AFF2: variants seen among roughly 807,000 people sequenced by gnomAD.
The protein encoded by AFF2 is ALF transcription elongation factor 2, also known as AF4/FMR2 family member 2.
AFF2 carries 14 observed loss-of-function variants against 76.9 expected under a neutral mutation model. That is an observed-to-expected ratio of 0.18 (90% CI 0.12 to 0.28). The LOEUF (loss-of-function observed/expected upper bound fraction) is 0.28, where lower values mean the gene tolerates loss of function less well. AFF2 is among the 10% of genes least tolerant of loss of function. The probability of loss-of-function intolerance (pLI) is 1.00; values close to 1 mark genes in which losing one functional copy is unlikely to be tolerated. For missense variants in AFF2, 868 were observed against 1,001.1 expected (o/e 0.87, Z 1.79); for synonymous variants, 398 against 366.7 (o/e 1.09, Z -0.98).
rs144051933 is a variant in AFF2, at chrX:148,605,431, C to T, written c.48-46568C>T. Among the ~76,000 whole-genome samples the T allele has an allele frequency of 8.9e-3, 986 of 111,225 alleles. 15 individuals carry two copies. Among genetic ancestry groups the T allele is most frequent in the African/African-American group, 0.029 (902 of 30,635 alleles). Reference sequence around the variant, plus strand: ...AGATAAATAGATATAAACATGTATACATTCCCATTATTTCCTAGCTTGGTT... The same window carrying T: ...AGATAAATAGATATAAACATGTATATATTCCCATTATTTCCTAGCTTGGTT... On this transcript the variant is annotated intron_variant, in intron 1 of 20. Coordinates refer to ENST00000370460, the MANE Select transcript of AFF2 (RefSeq NM_002025.4).
chrX:148,901,644 A>G (rs1557280890), intron 8 of AFF2, among the ~76,000 whole-genome samples: 1 of 112,301 alleles, frequency 8.9e-6, no homozygotes, highest in African/African-American at 3.2e-5. Flanking sequence ...ATTTCAAAAG[A>G]GAAATTCTCT....
intron 7 of AFF2, among the ~76,000 whole-genome samples, chrX:148,851,834 C>T (rs1367142265): frequency 3.6e-5 from 4 of 109,784 alleles, no homozygotes; most frequent in African/African-American, 1.3e-4. Flanking sequence ...GTTATAAAGC[C>T]CAGTACTCAA....
Position 148,500,670 on chromosome X carries a change from CGCCGCCGCCGCCGCTGCCGCCCCG to C in AFF2, c.-425_-402del, listed in dbSNP as rs2052331558. Reference sequence around the variant, plus strand: ...CCGCCGCCGCCGCCGCCGCCGCCGCCGCCGCCGCCGCCGCTGCCGCCCCGGCTGCCGCGCCGCGCCGCTGCCTCT... The same window carrying C: ...CCGCCGCCGCCGCCGCCGCCGCCGCCGCTGCCGCGCCGCGCCGCTGCCTCT... On this transcript the variant is annotated 5_prime_UTR_variant, in exon 1 of 21. Transcript: ENST00000370460. The C allele has an allele frequency of 1.0e-5, 1 of 96,085 alleles. No homozygotes were observed. Among genetic ancestry groups the C allele is most frequent in the African/African-American group, 3.8e-5 (1 of 26,636 alleles). The allele number at this position is 96,085 out of a possible 1,213,427, so 7.9% of individuals were successfully genotyped here.
intron 1 of AFF2, among the ~76,000 whole-genome samples, chrX:148,595,066 G>T (rs183006005): frequency 8.9e-6 from 1 of 112,075 alleles, no homozygotes; most frequent in Non-Finnish European, 1.9e-5. Flanking sequence ...AGGAAGAAGG[G>T]AGGAAGGTAG....
chrX:148,906,805 G>T (rs1402719454), intron 9 of AFF2, among the ~76,000 whole-genome samples: 1 of 111,692 alleles, frequency 9.0e-6, no homozygotes, highest in Non-Finnish European at 1.9e-5. Flanking sequence ...TTGCAGACCT[G>T]CCCTTGACTT....
chrX:148,971,747 C>CTTTTTTTTTTTTTTTTTTTTTTTAT (rs781928514), intron 15 of AFF2, among the ~76,000 whole-genome samples: 2 of 44,731 alleles, frequency 4.5e-5, no homozygotes, highest in African/African-American at 9.5e-5. Flanking sequence ...TTTTCTATTT[C>CTTTTTTTTTTTTTTTTTTTTTTTAT]TTTTTTTTTT....
At chrX:148,844,277 TCAGGCAC>T (rs2070638607) in intron 7 of AFF2, among the ~76,000 whole-genome samples, 1 of 111,640 alleles carries the variant, frequency 9.0e-6, no homozygotes, top group Non-Finnish European at 1.9e-5. Flanking sequence ...TTGCAGGTCA[TCAGGCAC>T]CTGTATATTA....
At chrX:148,893,670 G>T (rs1262838529) in intron 8 of AFF2, among the ~76,000 whole-genome samples, 3 of 112,145 alleles carry the variant, frequency 2.7e-5, no homozygotes, top group African/African-American at 9.7e-5. Context: ...GATCCAAACA[G>T]AAACAAAAAT....
At position 148,994,858 on chromosome X, in the gene AFF2, A is replaced by G. The variant is rs2072575964; in HGVS notation, c.*3526A>G. ...AGTTGAGTTGTGAGGGTGAAGCCTC[A>G]CATACTTCTCAACAGACATGATAAA... On this transcript the variant is annotated 3_prime_UTR_variant, in exon 21 of 21. Transcript: ENST00000370460. The G allele has an allele frequency of 8.9e-6, 1 of 112,423 alleles. No homozygotes were observed. The highest frequency in any genetic ancestry group is 3.2e-5 in the African/African-American group (1 of 30,815). The allele number at this position is 112,423 out of a possible 1,213,427, so 9.3% of individuals were successfully genotyped here.
rs781835748 is a variant in AFF2, at chrX:148,994,274, T to C, written c.*2942T>C. On this transcript the variant is annotated 3_prime_UTR_variant, in exon 21 of 21. Transcript: ENST00000370460. ...AGTTTGACAAGTTTGTGTTATGATG[T>C]TGGCTTGGCTTTGTATTTTTAATTA... 8.9e-6 allele frequency: 1 copy of C among 112,230 alleles called. No individual in the cohort carries two copies. Among genetic ancestry groups the C allele is most frequent in the Non-Finnish European group, 1.9e-5 (1 of 53,205 alleles). 9.2% of individuals were successfully genotyped at this position (112,230 alleles called of 1,213,427 possible).
chrX:148,867,846 A>G (rs914730087), intron 7 of AFF2, among the ~76,000 whole-genome samples: 14 of 111,470 alleles, frequency 1.3e-4, no homozygotes, highest in Non-Finnish European at 2.6e-4. Context: ...TCCTAGGTGA[A>G]GACTTCCTAG....
intron 1 of AFF2, among the ~76,000 whole-genome samples, chrX:148,517,814 G>A (rs1229635256): frequency 4.6e-5 from 5 of 108,260 alleles, no homozygotes; most frequent in African/African-American, 1.3e-4. Context: ...TCAGGAGATC[G>A]AGACCATCCT....
At chrX:148,800,760 T>A (rs187984050) in intron 3 of AFF2, among the ~76,000 whole-genome samples, 195 of 112,026 alleles carry the variant, frequency 1.7e-3, no homozygotes, top group Non-Finnish European at 3.0e-3. Context: ...TGTAAATGAT[T>A]TGAAGAACTT....
chrX:148,926,583 A>T (rs1451272463), intron 9 of AFF2, among the ~76,000 whole-genome samples: 3 of 111,962 alleles, frequency 2.7e-5, no homozygotes, highest in African/African-American at 9.7e-5. Flanking sequence ...TGAATTCCAT[A>T]GTTTCTAAAT....
At chrX:148,785,563 G>A (rs972714287) in intron 3 of AFF2, among the ~76,000 whole-genome samples, 1 of 111,826 alleles carries the variant, frequency 8.9e-6, no homozygotes, top group East Asian at 2.8e-4. Flanking sequence ...TGGGTCAGGG[G>A]CTGGTTGCAT....
intron 9 of AFF2, among the ~76,000 whole-genome samples, chrX:148,931,733 T>G (rs1053413144): frequency 8.9e-6 from 1 of 111,762 alleles, no homozygotes; most frequent in East Asian, 2.8e-4. Flanking sequence ...GAAAATGCAT[T>G]GGGAAATTCT....
At chrX:148,691,665 G>A (rs1210935119) in intron 3 of AFF2, among the ~76,000 whole-genome samples, 1 of 111,824 alleles carries the variant, frequency 8.9e-6, no homozygotes, top group Admixed American at 9.5e-5. Context: ...ATGTGGTGGT[G>A]AGTGGACCCA....
intron 13 of AFF2, among the ~76,000 whole-genome samples, chrX:148,963,283 A>G (rs1262254646): frequency 8.9e-6 from 1 of 112,021 alleles, no homozygotes; most frequent in Non-Finnish European, 1.9e-5. Context: ...CTTCTTAGGG[A>G]AATCACTAGG....
chrX:148,766,667 C>T (rs1002363031), intron 3 of AFF2, among the ~76,000 whole-genome samples: 17 of 109,858 alleles, frequency 1.5e-4, no homozygotes, highest in African/African-American at 5.6e-4. Flanking sequence ...CCTGTTCACT[C>T]TGATGGTAGT....
Sources: allele counts gnomAD v4.1 joint callset (sites outside exome capture counted in the v4.1 genomes callset), GRCh38; gene constraint gnomAD v4.1.1; transcripts MANE v1.5; gene names NCBI Gene and HGNC (gene_info 2026-07-23, HGNC 2026-07-21).